MYH16: variants seen among roughly 807,000 people sequenced by gnomAD.
The protein encoded by MYH16 is myosin heavy chain 16, also known as putative uncharacterized protein MYH16.
intron 9 of MYH16, among the ~76,000 whole-genome samples, chr7:99,256,019 C>T (rs900076977): frequency 3.3e-5 from 5 of 152,126 alleles, no homozygotes; most frequent in African/African-American, 1.2e-4. Context: ...CCTCTTATGA[C>T]ACTAAGCACT....
intron 28 of MYH16, among the ~76,000 whole-genome samples, chr7:99,287,555 A>AT (rs1276527307): frequency 6.6e-6 from 1 of 150,618 alleles, no homozygotes. Context: ...AAAAAAAAAA[A>AT]GGCATCAGTC....
chr7:99,242,675 G>A (rs1043241909), intron 1 of MYH16, among the ~76,000 whole-genome samples: 1 of 152,142 alleles, frequency 6.6e-6, no homozygotes, highest in Admixed American at 6.5e-5. Flanking sequence ...AAAAGGAAAA[G>A]TTTGGCTGGT....
intron 37 of MYH16, among the ~76,000 whole-genome samples, 162 bp downstream of exon 18, chr7:99,299,820 A>G (rs908650285): frequency 6.6e-6 from 1 of 152,124 alleles, no homozygotes; most frequent in African/African-American, 2.4e-5. Flanking sequence ...CTTGGGGACT[A>G]TATAAAGAAG....
intron 35 of MYH16, 44 bp from the exon 17 acceptor site, chr7:99,297,848 C>T: frequency 2.2e-6 from 1 of 456,728 alleles, no homozygotes. Flanking sequence ...CCAGGCACTG[C>T]ACATCTTCTT....
intron 19 of MYH16, among the ~76,000 whole-genome samples, chr7:99,272,334 A>G (rs1185118050): frequency 6.6e-6 from 1 of 152,146 alleles, no homozygotes; most frequent in East Asian, 1.9e-4. Flanking sequence ...AGGTTAAGGA[A>G]CTGGGGCAGG....
intron 41 of MYH16, 89 bp from the exon 23 acceptor site, chr7:99,306,520 G>C (rs1287398411): frequency 6.6e-6 from 1 of 152,308 alleles, no homozygotes; most frequent in Non-Finnish European, 1.5e-5. Context: ...GAGCGAGACT[G>C]TCTCTCAAAA....
intron 8 of MYH16, chr7:99,255,488 AAGGGAGGGAGGG>A (rs569062247): frequency 7.2e-6 from 1 of 138,652 alleles, no homozygotes; most frequent in East Asian, 2.6e-4. Context: ...GGAAAGAAGG[AAGGGAGGGAGGG>A]AGGGAGGGAG....
intron 1 of MYH16, among the ~76,000 whole-genome samples, chr7:99,239,211 C>T (rs775046628): frequency 6.6e-6 from 1 of 152,222 alleles, no homozygotes; most frequent in Non-Finnish European, 1.5e-5. Context: ...CTGGGCAAGA[C>T]GCATTCCCTC....
exon 34 of MYH16, chr7:99,296,914 C>A: frequency 2.2e-6 from 1 of 456,572 alleles, no homozygotes. Context: ...TAAGACCCTG[C>A]AGGGTGAGTC....
intron 18 of MYH16, among the ~76,000 whole-genome samples, chr7:99,268,447 GA>G (rs1792014399): frequency 6.6e-6 from 1 of 152,242 alleles, no homozygotes; most frequent in Non-Finnish European, 1.5e-5. Context: ...GTGTGGCCGG[GA>G]AAGCCGGAGC....
chr7:99,257,678 G>C (rs992827294), intron 10 of MYH16, among the ~76,000 whole-genome samples: 11 of 152,098 alleles, frequency 7.2e-5, no homozygotes, highest in African/African-American at 2.7e-4. Context: ...TTGGTTTGTT[G>C]CCTAGGTGGG....
chr7:99,245,363 T>G (rs567653441), intron 2 of MYH16, among the ~76,000 whole-genome samples: 1 of 152,120 alleles, frequency 6.6e-6, no homozygotes, highest in East Asian at 1.9e-4. Flanking sequence ...AATGGAAGGG[T>G]TTAAAGTTGA....
At chr7:99,307,223 C>T (rs1008678045), downstream of MYH16, among the ~76,000 whole-genome samples, 3 of 152,110 alleles carry the variant, frequency 2.0e-5, no homozygotes, top group Admixed American at 2.0e-4. Context: ...CTTTCGTGTC[C>T]CCCACAATAT....
At chr7:99,274,359 AAGG>A (rs1336139792) in intron 20 of MYH16, among the ~76,000 whole-genome samples, 1 of 152,218 alleles carries the variant, frequency 6.6e-6, no homozygotes, top group Non-Finnish European at 1.5e-5. Context: ...GTTCAGGAGA[AAGG>A]AGGACCCGCA....
At chr7:99,275,094 A>C (rs1232404742) in intron 20 of MYH16, among the ~76,000 whole-genome samples, 1 of 152,102 alleles carries the variant, frequency 6.6e-6, no homozygotes, top group East Asian at 1.9e-4. Context: ...TCCGGGCTCA[A>C]GCGATCCTTC....
exon 17 of MYH16, chr7:99,265,589 G>T: frequency 6.5e-6 from 1 of 154,332 alleles, no homozygotes; most frequent in South Asian, 1.8e-4. Context: ...ACGCCCACCT[G>T]ATCATGCACC....
chr7:99,258,287 T>G (rs535450732), exon 11 of MYH16: 1 of 153,512 alleles, frequency 6.5e-6, no homozygotes, highest in African/African-American at 2.4e-5. Flanking sequence ...TATGACAAGA[T>G]GTTCAAGTGG....
chr7:99,254,696 C>T (rs1791851901), intron 8 of MYH16, among the ~76,000 whole-genome samples: 1 of 152,230 alleles, frequency 6.6e-6, no homozygotes, highest in African/African-American at 2.4e-5. Context: ...GGGATGAAGA[C>T]TCAGTCTTAC....
chr7:99,272,741 T>C (rs1334349578), intron 19 of MYH16, among the ~76,000 whole-genome samples, 98 bp from the exon 1 acceptor site: 1 of 151,140 alleles, frequency 6.6e-6, no homozygotes, highest in East Asian at 1.9e-4. Context: ...AGTGAGACCC[T>C]GTCTCAAAAA....
Sources: allele counts gnomAD v4.1 joint callset (sites outside exome capture counted in the v4.1 genomes callset), GRCh38; gene constraint gnomAD v4.1.1; transcripts MANE v1.5; gene names NCBI Gene and HGNC (gene_info 2026-07-23, HGNC 2026-07-21).